The following SIDT1 variants were observed in gnomAD, a reference collection of about 807,000 sequenced individuals.
SIDT1 encodes the protein SID1 transmembrane family, member 1.
SIDT1 carries 101 observed loss-of-function variants against 107.5 expected under a neutral mutation model. That is an observed-to-expected ratio of 0.94 (90% CI 0.80 to 1.11). The LOEUF is 1.11. SIDT1 is among the 50% of genes least tolerant of loss of function. The pLI is 0.00. For missense variants in SIDT1, 1,076 were observed against 1,058.2 expected (o/e 1.02, Z -0.23); for synonymous variants, 395 against 398.2 (o/e 0.99, Z 0.10).
chr3:113,542,901 G>A (rs77185325), intron 1 of SIDT1, among the ~76,000 whole-genome samples: 25,589 of 135,552 alleles, frequency 0.19, 3,237 homozygotes, highest in African/African-American at 0.4. Flanking sequence ...TTTTTGCTTG[G>A]TTGTGTGTGT....
rs1281822293 is a variant in SIDT1, at chr3:113,594,120, A to G, written c.1045+1072A>G. Among the ~76,000 whole-genome samples, 16 of 152,164 alleles carry G rather than the reference A, an allele frequency of 1.1e-4. 1 individual carries two copies. The highest frequency in any genetic ancestry group is 1.0e-3 in the Admixed American group (16 of 15,274). On this transcript the variant is annotated intron_variant, in intron 10 of 24. Coordinates refer to ENST00000264852, the MANE Select transcript of SIDT1 (RefSeq NM_017699.3). ...CTTAAATGAGGCCACAGAATCTTAG[A>G]AAGACTTTAACTCACCCCCTACCCC...
rs186769704 is a variant in SIDT1, at chr3:113,603,579, A to G, written c.1264-381A>G. ...ATCCAGCAAAAGATATGAAGGGGAA[A>G]CGTACAGTTTCAGCCCTATGTAGTT... On this transcript the variant is annotated intron_variant, in intron 12 of 24. Transcript: ENST00000264852. Among the ~76,000 whole-genome samples the G allele has an allele frequency of 9.8e-3, 1,485 of 152,262 alleles. 18 individuals are homozygous for G. Among genetic ancestry groups the G allele is most frequent in the Middle Eastern group, 0.014 (4 of 294 alleles).
At chr3:113,544,812 TA>T (rs1939391119) in intron 1 of SIDT1, among the ~76,000 whole-genome samples, 1 of 152,098 alleles carries the variant, frequency 6.6e-6, no homozygotes. Flanking sequence ...TTCCCTTTTA[TA>T]ATTAAAAAGT....
At chr3:113,538,247 T>C (rs1314889413) in intron 1 of SIDT1, among the ~76,000 whole-genome samples, 1 of 152,218 alleles carries the variant, frequency 6.6e-6, no homozygotes, top group Non-Finnish European at 1.5e-5. Context: ...ACCTCCTACA[T>C]TTTTCTCAGA....
intron 21 of SIDT1, among the ~76,000 whole-genome samples, chr3:113,623,192 TAAAAAAAAAAA>T (rs61454117): frequency 2.8e-4 from 15 of 53,854 alleles, no homozygotes; most frequent in East Asian, 1.7e-3. Context: ...CCCCAACTCT[TAAAAAAAAAAA>T]AAAAAAAAAA....
chr3:113,601,818 C>A, intron 11 of SIDT1, 159 bp downstream of exon 11: 2 of 545,840 alleles, frequency 3.7e-6, no homozygotes, highest in Non-Finnish European at 6.5e-6. Context: ...GATTTGGAAG[C>A]TTCCTCCCAG....
At chr3:113,625,218 C>G (rs1315030296) in intron 23 of SIDT1, among the ~76,000 whole-genome samples, 1 of 152,062 alleles carries the variant, frequency 6.6e-6, no homozygotes, top group Non-Finnish European at 1.5e-5. Context: ...CTCACTGCAA[C>G]CTCCACCTCC....
At chr3:113,632,728 T>G (rs1156235421), downstream of SIDT1, 1 of 152,354 alleles carries the variant, frequency 6.6e-6, no homozygotes, top group African/African-American at 2.4e-5. Context: ...CACGTGCCTG[T>G]AGTCCCAGCT....
chr3:113,585,925 CT>C (rs1417677274), intron 9 of SIDT1, among the ~76,000 whole-genome samples: 2 of 152,134 alleles, frequency 1.3e-5, no homozygotes, highest in Non-Finnish European at 2.9e-5. Context: ...GAATTCCATT[CT>C]TTGTGGCATT....
intron 15 of SIDT1, among the ~76,000 whole-genome samples, chr3:113,607,319 G>T (rs1266586667): frequency 6.6e-6 from 1 of 152,200 alleles, no homozygotes; most frequent in East Asian, 1.9e-4. Context: ...TTAGCATACT[G>T]CCTGCTGAGA....
chr3:113,620,598 C>A (rs895708207), intron 21 of SIDT1, among the ~76,000 whole-genome samples: 2 of 151,620 alleles, frequency 1.3e-5, no homozygotes, highest in African/African-American at 4.8e-5. Context: ...GAATCTGAGT[C>A]CTATCTGGGG....
Position 113,591,650 on chromosome 3 carries a change from G to A in SIDT1, c.1002-1355G>A, listed in dbSNP as rs144540166. Among the ~76,000 whole-genome samples the A allele has an allele frequency of 2.7e-3, 417 of 152,292 alleles. 1 individual carries two copies. Among genetic ancestry groups the A allele is most frequent in the African/African-American group, 9.2e-3 (383 of 41,568 alleles). ...GCGGAGCTTGCAGTGAGCCAAGATCGCACCACTGCACTCCAGCCTGGGCGA... is the reference window on the plus strand; with the variant it reads ...GCGGAGCTTGCAGTGAGCCAAGATCACACCACTGCACTCCAGCCTGGGCGA... On this transcript the variant is annotated intron_variant, in intron 9 of 24. Transcript: ENST00000264852.
At chr3:113,606,017 AG>A (rs1945302461) in intron 14 of SIDT1, among the ~76,000 whole-genome samples, 2 of 112,364 alleles carry the variant, frequency 1.8e-5, no homozygotes, top group Non-Finnish European at 3.9e-5. Context: ...GAACAAAAAA[AG>A]GAAAAAAAAG....
chr3:113,556,947 G>A (rs1380053157), intron 1 of SIDT1, among the ~76,000 whole-genome samples: 1 of 148,540 alleles, frequency 6.7e-6, no homozygotes, highest in Admixed American at 6.8e-5. Context: ...AGCCTTCCGA[G>A]TAGCTGGGTC....
At chr3:113,535,280 G>T (rs6801243) in intron 1 of SIDT1, among the ~76,000 whole-genome samples, 4,585 of 148,814 alleles carry the variant, frequency 0.031, 104 homozygotes, top group African/African-American at 0.068. Flanking sequence ...TTTTCAAAAT[G>T]TTTTTTTTTT....
chr3:113,568,185 T>TC (rs1371371422), intron 3 of SIDT1, among the ~76,000 whole-genome samples: 3 of 114,592 alleles, frequency 2.6e-5, no homozygotes, highest in Non-Finnish European at 5.5e-5. Flanking sequence ...TTCCCCCTGT[T>TC]TTTAAAAAAC....
At chr3:113,587,745 G>A (rs536285735) in intron 9 of SIDT1, among the ~76,000 whole-genome samples, 2 of 152,124 alleles carry the variant, frequency 1.3e-5, no homozygotes, top group Admixed American at 6.5e-5. Context: ...GCAATTTTAC[G>A]AAGAATTCAC....
chr3:113,549,718 A>G (rs928711848), intron 1 of SIDT1, among the ~76,000 whole-genome samples: 3 of 152,150 alleles, frequency 2.0e-5, no homozygotes, highest in East Asian at 1.9e-4. Context: ...TCTTAGTAGT[A>G]TCTTACACAG....
intron 10 of SIDT1, among the ~76,000 whole-genome samples, chr3:113,598,754 T>C (rs1272400883): frequency 6.6e-6 from 1 of 152,172 alleles, no homozygotes. Flanking sequence ...GATTTTAGTG[T>C]CATTCTTCAT....
Sources: allele counts gnomAD v4.1 joint callset (sites outside exome capture counted in the v4.1 genomes callset), GRCh38; gene constraint gnomAD v4.1.1; transcripts MANE v1.5; gene names NCBI Gene and HGNC (gene_info 2026-07-23, HGNC 2026-07-21).